XRCC4: variants seen among roughly 807,000 people sequenced by gnomAD.
The protein encoded by XRCC4 is X-ray repair cross complementing 4, also known as DNA repair protein XRCC4.
XRCC4 carries 28 observed loss-of-function variants against 39.1 expected under a neutral mutation model. The observed-to-expected ratio is 0.72, with a 90% CI of 0.53 to 0.98. XRCC4 has a LOEUF of 0.98. XRCC4 is among the 50% of genes least tolerant of loss of function. The pLI is 0.00. For missense variants in XRCC4, 350 were observed against 376.4 expected (o/e 0.93, Z 0.58); for synonymous variants, 123 against 126.4 (o/e 0.97, Z 0.18).
intron 7 of XRCC4, among the ~76,000 whole-genome samples, chr5:83,289,302 T>C (rs1378927044): frequency 6.6e-6 from 1 of 151,984 alleles, no homozygotes; most frequent in Non-Finnish European, 1.5e-5. Context: ...AAACTATGTT[T>C]TATTCCTTGC....
intron 3 of XRCC4, among the ~76,000 whole-genome samples, chr5:83,141,795 A>G (rs1748189118): frequency 6.6e-6 from 1 of 151,914 alleles, no homozygotes; most frequent in South Asian, 2.1e-4. Context: ...TTCCCAAAAT[A>G]TTAATCTGGA....
intron 3 of XRCC4, among the ~76,000 whole-genome samples, chr5:83,183,129 A>AT (rs1291382063): frequency 6.6e-6 from 1 of 152,058 alleles, no homozygotes; most frequent in African/African-American, 2.4e-5. Flanking sequence ...CACCATTCTA[A>AT]TTCATCATCA....
At chr5:83,255,225 T>G (rs192512761) in intron 6 of XRCC4, among the ~76,000 whole-genome samples, 1 of 152,342 alleles carries the variant, frequency 6.6e-6, no homozygotes, top group Non-Finnish European at 1.5e-5. Flanking sequence ...GGATTGTTTT[T>G]GCCTTTTATT....
At chr5:83,084,206 T>G (rs1002647180) in intron 1 of XRCC4, among the ~76,000 whole-genome samples, 66 of 152,358 alleles carry the variant, frequency 4.3e-4, no homozygotes, top group African/African-American at 1.5e-3. Context: ...ACCTTGTTTC[T>G]TAGGAAAAAG....
the XRCC4 span, among the ~76,000 whole-genome samples, chr5:83,368,366 C>A: frequency 6.6e-6 from 1 of 152,118 alleles, no homozygotes; most frequent in Non-Finnish European, 1.5e-5. Context: ...AAGAATGGCC[C>A]ATGTGAAGTG....
chr5:83,205,073 G>T (rs1445669268), intron 6 of XRCC4, 152 bp downstream of exon 6: 2 of 561,172 alleles, frequency 3.6e-6, no homozygotes, highest in Non-Finnish European at 6.1e-6. Context: ...AATTTTTAAT[G>T]TTAAAACTTA....
chr5:83,311,225 A>C (rs1755699725), intron 7 of XRCC4, among the ~76,000 whole-genome samples: 1 of 152,198 alleles, frequency 6.6e-6, no homozygotes, highest in South Asian at 2.1e-4. Context: ...AAGCCGGAGG[A>C]TGAAGAGAGG....
intron 7 of XRCC4, among the ~76,000 whole-genome samples, chr5:83,338,956 T>C (rs1032858589): frequency 5.3e-5 from 8 of 152,196 alleles, no homozygotes; most frequent in Non-Finnish European, 1.2e-4. Flanking sequence ...CATAATACCA[T>C]ACATATTAGA....
intron 3 of XRCC4, among the ~76,000 whole-genome samples, chr5:83,133,111 A>G (rs1371192358): frequency 6.6e-6 from 1 of 152,102 alleles, no homozygotes; most frequent in Non-Finnish European, 1.5e-5. Flanking sequence ...TGTAATATTC[A>G]GGACCCTCAG....
intron 1 of XRCC4, among the ~76,000 whole-genome samples, chr5:83,087,684 T>G (rs561802674): frequency 2.6e-5 from 4 of 151,994 alleles, no homozygotes; most frequent in Non-Finnish European, 5.9e-5. Context: ...ATTTTTTTTT[T>G]CCTGGTCATA....
chr5:83,183,399 A>G (rs929409861), intron 3 of XRCC4, among the ~76,000 whole-genome samples: 4 of 115,606 alleles, frequency 3.5e-5, no homozygotes, highest in African/African-American at 1.3e-4. Context: ...TTTGTCTCCT[A>G]TTTTTCATTT....
intron 7 of XRCC4, among the ~76,000 whole-genome samples, chr5:83,333,921 C>T (rs1341710966): frequency 6.6e-6 from 1 of 152,068 alleles, no homozygotes; most frequent in Non-Finnish European, 1.5e-5. Context: ...AGGTGTGCGC[C>T]ACCACGCCTG....
intron 3 of XRCC4, among the ~76,000 whole-genome samples, chr5:83,173,126 G>A (rs1749804998): frequency 6.6e-6 from 1 of 151,990 alleles, no homozygotes; most frequent in African/African-American, 2.4e-5. Flanking sequence ...TCTTTCTCTT[G>A]CATTACCTAG....
the XRCC4 span, among the ~76,000 whole-genome samples, chr5:83,365,873 C>A: frequency 6.6e-6 from 1 of 152,180 alleles, no homozygotes; most frequent in East Asian, 1.9e-4. Context: ...AATAGATATA[C>A]TATGTCTTCC....
intron 7 of XRCC4, among the ~76,000 whole-genome samples, chr5:83,337,152 C>T (rs1390184173): frequency 6.6e-6 from 1 of 152,048 alleles, no homozygotes; most frequent in African/African-American, 2.4e-5. Flanking sequence ...AAGGCAAATA[C>T]CCTTGACAAG....
chr5:83,362,316 A>AAAAAAAAC, the XRCC4 span, among the ~76,000 whole-genome samples: 8 of 146,020 alleles, frequency 5.5e-5, no homozygotes, highest in African/African-American at 2.2e-4. Context: ...AAAAAAAAAA[A>AAAAAAAAC]AACTATCTCA....
intron 6 of XRCC4, among the ~76,000 whole-genome samples, chr5:83,226,158 C>T (rs914338297): frequency 1.3e-5 from 2 of 152,030 alleles, no homozygotes; most frequent in East Asian, 1.9e-4. Context: ...TGTGCTAGTT[C>T]CCTCTGCTTT....
At chr5:83,120,113 A>G (rs913504449) in intron 3 of XRCC4, among the ~76,000 whole-genome samples, 9 of 152,160 alleles carry the variant, frequency 5.9e-5, no homozygotes, top group Non-Finnish European at 1.2e-4. Context: ...CAATTTAACA[A>G]TATTAATATT....
chr5:83,226,651 A>G (rs1022900049), intron 6 of XRCC4, among the ~76,000 whole-genome samples: 4 of 152,094 alleles, frequency 2.6e-5, no homozygotes, highest in African/African-American at 9.7e-5. Context: ...TTTCTTTCCC[A>G]GTTTTATGGT....
Sources: gnomAD v4.1 joint callset for allele counts (sites outside exome capture counted in the v4.1 genomes callset) on GRCh38, gnomAD v4.1.1 for gene constraint, MANE v1.5 for transcripts, NCBI Gene and HGNC (gene_info 2026-07-23, HGNC 2026-07-21) for gene names.